GNA11: variants seen among roughly 807,000 people sequenced by gnomAD.
GNA11 encodes G protein subunit alpha 11, also known as guanine nucleotide-binding protein subunit alpha-11.
In GNA11, 8 loss-of-function variants were observed where a neutral mutation model predicts 38.2. The observed-to-expected ratio is 0.21, with a 90% confidence interval of 0.12 to 0.38. The LOEUF is 0.38. Ranked by LOEUF, GNA11 falls within the 10% of genes least tolerant of loss-of-function variation. The pLI is 1.00. For synonymous variants in GNA11, 211 were observed against 221.4 expected, an observed-to-expected ratio of 0.95 and a Z score of 0.42; for missense variants, 268 against 516.3, an observed-to-expected ratio of 0.52 and a Z score of 4.66.
In GNA11 at chr19:3,098,775, A is replaced by C. The variant is rs1356520275; in HGVS notation, c.136+3988A>C. 1.3e-5 allele frequency among the ~76,000 whole-genome samples: 2 copies of C among 152,038 alleles called. 1 individual carries two copies. On this transcript the variant is annotated intron_variant, in intron 1 of 6. Transcript: ENST00000078429. ...GCAGGGTGGCTGTGCCGTGTCCCAG[A>C]AGACTCTGGGAGCAGGAAGCGCCCT...
intron 1 of GNA11, among the ~76,000 whole-genome samples, chr19:3,097,863 A>AG (rs1913411787): frequency 6.6e-6 from 1 of 152,146 alleles, no homozygotes; most frequent in Admixed American, 6.5e-5. Context: ...CAGGGTGCTG[A>AG]GCAGTGTCCG....
chr19:3,094,777 G>C lies in GNA11; in HGVS notation c.126G>C (p.Leu42=). Residue 42 remains leucine, a synonymous_variant, in exon 1 of 7, where the codon CTG becomes CTC. Transcript: ENST00000078429. The surrounding 1 kb of genome is among the most constrained non-coding windows in gnomAD (Gnocchi z 6.0). ...DKRDARRELK[L]LLLGTGESGK... ...GCGACGCCCGGCGCGAGCTCAAGCT[G>C]CTGCTGCTCGGTGAGTGCGGCCCCC... 2.5e-6 allele frequency: 4 copies of C among 1,583,852 alleles called. No individual in the cohort carries two copies. Among genetic ancestry groups the C allele is most frequent in the Non-Finnish European group, 3.4e-6 (4 of 1,167,324 alleles).
At position 3,114,970 on chromosome 19, in the gene GNA11, C is replaced by A; in HGVS notation, c.503C>A (p.Ala168Asp). ...KYYLTDVDRI[A>D]TLGYLPTQQD... ...TACCTGACCGACGTTGACCGCATCG[C>A]CACCTTGGGCTACCTGCCCACCCAG... Residue 168 changes from alanine (A) to aspartate (D), a missense_variant, in exon 4 of 7, where the codon GCC becomes GAC. By Grantham distance (126) the Ala-to-Asp change is moderately radical (BLOSUM62 -2). Around this residue, in one of 3 missense-constraint regions of GNA11, gnomAD observed 151 missense variants for 254.0 expected, o/e 0.59. Coordinates refer to ENST00000078429, the MANE Select transcript of GNA11 (RefSeq NM_002067.5). The A allele has an allele frequency of 6.2e-7, 1 of 1,612,784 alleles. No homozygotes were observed. Among genetic ancestry groups the A allele is most frequent in the Non-Finnish European group, 8.5e-7 (1 of 1,179,696 alleles).
chr19:3,120,164 C>T lies in GNA11; in HGVS notation c.889+805C>T, dbSNP rs1201997645. Among the ~76,000 whole-genome samples the T allele has an allele frequency of 6.6e-6, 1 of 152,110 alleles. No homozygotes were observed. Among genetic ancestry groups the T allele is most frequent in the African/African-American group, 2.4e-5 (1 of 41,410 alleles). On this transcript the variant is annotated intron_variant, in intron 6 of 6. Coordinates refer to ENST00000078429, the MANE Select transcript of GNA11 (RefSeq NM_002067.5). The surrounding 1 kb of genome is among the most constrained non-coding windows in gnomAD (Gnocchi z 5.9). ...ATCTTCGGGAGGGCCCCTCAGGGTGCCCTGCCTCTGGATGTGCAGCGAGAG... is the reference window on the plus strand; with the variant it reads ...ATCTTCGGGAGGGCCCCTCAGGGTGTCCTGCCTCTGGATGTGCAGCGAGAG...
Position 3,122,656 on chromosome 19 carries a change from G to C in GNA11, c.*1477G>C. On this transcript the variant is annotated 3_prime_UTR_variant, in exon 7 of 7. Transcript: ENST00000078429. The surrounding 1 kb of genome is among the most constrained non-coding windows in gnomAD (Gnocchi z 7.7). ...GCTTCGCACAGCTGTCCCAGGGATG[G>C]ATCGCCTGTGCTGCCTTCGCCCGCC... 4.3e-6 allele frequency: 1 copy of C among 233,494 alleles called. No homozygotes were observed. The highest frequency in any genetic ancestry group is 8.5e-6 in the Non-Finnish European group (1 of 118,240). 14.5% of individuals were successfully genotyped at this position (233,494 alleles called of 1,614,324 possible).
Position 3,103,519 on chromosome 19 carries a change from C to CTTTT in GNA11, c.137-6602_137-6599dup, listed in dbSNP as rs760497682. 4.8e-4 allele frequency among the ~76,000 whole-genome samples: 22 copies of CTTTT among 45,814 alleles called. 4 individuals carry two copies. The highest frequency in any genetic ancestry group is 7.2e-4 in the African/African-American group (9 of 12,508). The allele number at this position is 45,814 out of a possible 152,430, so 30.1% of individuals were successfully genotyped here. ...TGAGCCACTGCGCCCGGCCTTGAATCTTTTTTTTTTTTTTTTTTTTTTTTT... is the reference window on the plus strand; with the variant it reads ...TGAGCCACTGCGCCCGGCCTTGAATCTTTTTTTTTTTTTTTTTTTTTTTTTTTTT... On this transcript the variant is annotated intron_variant, in intron 1 of 6. Coordinates refer to ENST00000078429, the MANE Select transcript of GNA11 (RefSeq NM_002067.5).
At position 3,115,081 on chromosome 19, in the gene GNA11, C is replaced by CG; in HGVS notation, c.605+12dup. 9 of 1,605,548 alleles carry CG rather than the reference C, an allele frequency of 5.6e-6. No individual in the cohort carries two copies. The highest frequency in any genetic ancestry group is 6.8e-6 in the Non-Finnish European group (8 of 1,178,136). The stretch of plus-strand genomic sequence containing the variant: ...GAGAACATCATCTTCCGGTACCGCC[C>CG]GGGCCACAGCAGGCGGGGAGGGGGC... On this transcript the variant is annotated intron_variant, in intron 4 of 6. Coordinates refer to ENST00000078429, the MANE Select transcript of GNA11 (RefSeq NM_002067.5).
At chr19:3,106,861 G>A (rs1014306687) in intron 1 of GNA11, among the ~76,000 whole-genome samples, 17 of 152,240 alleles carry the variant, frequency 1.1e-4, no homozygotes, top group African/African-American at 2.4e-5. Flanking sequence ...TCCCCCATCA[G>A]TGTATCCATA....
chr19:3,094,810 C>T lies in GNA11; in HGVS notation c.136+23C>T, dbSNP rs2145300512. Reference sequence around the variant, plus strand: ...TCGGTGAGTGCGGCCCCCGGGCCTGCCGGCTGCGGGCCCTGCCCTGCCTGT... The same window carrying T: ...TCGGTGAGTGCGGCCCCCGGGCCTGTCGGCTGCGGGCCCTGCCCTGCCTGT... On this transcript the variant is annotated intron_variant, in intron 1 of 6. Transcript: ENST00000078429. This position sits in a 1 kb window ranked among gnomAD's most constrained non-coding sequence, Gnocchi z 6.0. 2 of 1,528,354 alleles carry T rather than the reference C, an allele frequency of 1.3e-6. No individual in the cohort carries two copies. Among genetic ancestry groups the T allele is most frequent in the Non-Finnish European group, 1.8e-6 (2 of 1,138,638 alleles). 94.7% of individuals were successfully genotyped at this position (1,528,354 alleles called of 1,614,324 possible).
In GNA11 at chr19:3,099,621, C is replaced by T. The variant is rs922295565; in HGVS notation, c.136+4834C>T. Reference sequence around the variant, plus strand: ...TGGCTGCCCTGGATCCAGACTCTCGCTGTCATCTGGGCCTGGCCACATCCC... The same window carrying T: ...TGGCTGCCCTGGATCCAGACTCTCGTTGTCATCTGGGCCTGGCCACATCCC... On this transcript the variant is annotated intron_variant, in intron 1 of 6. Transcript: ENST00000078429. 3.3e-5 allele frequency among the ~76,000 whole-genome samples: 5 copies of T among 152,294 alleles called. No individual in the cohort carries two copies. In the South Asian group the frequency reaches 1.0e-3, roughly 32 times the overall value.
rs1002973545 is a variant in GNA11 at position 3,120,766 on chromosome 19, C to T, written c.890-223C>T. On this transcript the variant is annotated intron_variant, in intron 6 of 6. Coordinates refer to ENST00000078429, the MANE Select transcript of GNA11 (RefSeq NM_002067.5). This position sits in a 1 kb window ranked among gnomAD's most constrained non-coding sequence, Gnocchi z 5.9. ...TGGGTGCAGAGCCCCAGGTTGGAGG[C>T]CTGGGCCGTGACAGTAGTGCCCTGG... 3.3e-5 allele frequency among the ~76,000 whole-genome samples: 5 copies of T among 152,104 alleles called. No homozygotes were observed. Among genetic ancestry groups the T allele is most frequent in the Non-Finnish European group, 7.4e-5 (5 of 67,990 alleles).
In GNA11 at chr19:3,115,043, C is replaced by A; in HGVS notation, c.576C>A (p.Tyr192Ter). ...TGCCCACCACCGGCATCATCGAGTA[C>A]CCTTTCGACCTGGAGAACATCATCT... is the stretch of plus-strand genomic sequence containing the variant. Reference protein sequence around the residue: ...VRVPTTGIIEYPFDLENIIFR... With the variant: ...VRVPTTGIIE Residue 192 changes from tyrosine (Y) to a stop codon, truncating the protein, a stop_gained, in exon 4 of 7, where the codon TAC becomes TAA. Coordinates refer to ENST00000078429, the MANE Select transcript of GNA11 (RefSeq NM_002067.5). LOFTEE classifies it high-confidence loss of function. The A allele has an allele frequency of 6.2e-7, 1 of 1,613,356 alleles. No homozygotes were observed. The highest frequency in any genetic ancestry group is 8.5e-7 in the Non-Finnish European group (1 of 1,179,904).
At chr19:3,095,996 C>G (rs1285583536) in intron 1 of GNA11, among the ~76,000 whole-genome samples, 3 of 152,156 alleles carry the variant, frequency 2.0e-5, no homozygotes, top group Non-Finnish European at 2.9e-5. Context: ...CCTGCCCTCC[C>G]GAGCTCCTAG....
chr19:3,107,153 T>C (rs1341010423), intron 1 of GNA11, among the ~76,000 whole-genome samples: 5 of 152,250 alleles, frequency 3.3e-5, no homozygotes, highest in East Asian at 1.9e-4. Flanking sequence ...GGAGAAACAC[T>C]TGGGCCCGGG....
chr19:3,118,309 C>G (rs1014682216), intron 4 of GNA11: 1 of 152,294 alleles, frequency 6.6e-6, no homozygotes, highest in Non-Finnish European at 1.5e-5. Context: ...AAGGAACGCA[C>G]GCCCGCAGAC....
At position 3,121,447 on chromosome 19, in the gene GNA11, T is replaced by A; in HGVS notation, c.*268T>A. ...TTTCTGGCCTTGACTTATGGCTCGCTTTTTTCTAAAAAAAAAAAAAAAAGA... is the reference window on the plus strand; with the variant it reads ...TTTCTGGCCTTGACTTATGGCTCGCATTTTTCTAAAAAAAAAAAAAAAAGA... On this transcript the variant is annotated 3_prime_UTR_variant, in exon 7 of 7. Coordinates refer to ENST00000078429, the MANE Select transcript of GNA11 (RefSeq NM_002067.5). 1 of 274,130 alleles carries A rather than the reference T, an allele frequency of 3.6e-6. No homozygotes were observed. Among genetic ancestry groups the A allele is most frequent in the East Asian group, 5.1e-5 (1 of 19,534 alleles). 17.0% of individuals were successfully genotyped at this position (274,130 alleles called of 1,614,324 possible).
intron 1 of GNA11, among the ~76,000 whole-genome samples, chr19:3,099,940 C>A (rs1913461225): frequency 6.6e-6 from 1 of 152,136 alleles, no homozygotes. Context: ...GCCTCAGTTT[C>A]CTCAGGGGGC....
chr19:3,109,636 T>C (rs1913721230), intron 1 of GNA11, among the ~76,000 whole-genome samples: 1 of 152,100 alleles, frequency 6.6e-6, no homozygotes, highest in Admixed American at 6.5e-5. Flanking sequence ...AGTGTGGCCG[T>C]GGCCGCTGAG....
chr19:3,113,311 C>G lies in GNA11; in HGVS notation c.322-19C>G, dbSNP rs779518852. 1 of 1,612,270 alleles carries G rather than the reference C, an allele frequency of 6.2e-7. No homozygotes were observed. Among genetic ancestry groups the G allele is most frequent in the Admixed American group, 1.7e-5 (1 of 60,006 alleles). Reference sequence around the variant, plus strand: ...TGGCCCCAGCGAGCTCTCGACGTCTCCCCTGCCCGCCCTCGCAGGCCAATG... The same window carrying G: ...TGGCCCCAGCGAGCTCTCGACGTCTGCCCTGCCCGCCCTCGCAGGCCAATG... On this transcript the variant is annotated intron_variant, in intron 2 of 6. Transcript: ENST00000078429.
Sources: gnomAD v4.1 joint callset for allele counts (sites outside exome capture counted in the v4.1 genomes callset) on GRCh38, gnomAD v4.1.1 for gene constraint, gnomAD v4.1.1 regional missense constraint, Gnocchi (gnomAD v3.1) non-coding constraint, MANE v1.5 for transcripts, NCBI Gene and HGNC (gene_info 2026-07-23, HGNC 2026-07-21) for gene names.